Variants in MDGA2 observed in about 807,000 individuals in gnomAD.
The protein encoded by MDGA2 is MAM domain-containing glycosylphosphatidylinositol anchor protein 2.
MDGA2 carries 40 observed loss-of-function variants against 117.8 expected under a neutral mutation model. The ratio of observed to expected loss-of-function variants is 0.34; its 90% CI spans 0.26 to 0.44. The LOEUF is 0.44. Ranked by LOEUF, MDGA2 falls within the 20% of genes least tolerant of loss-of-function variation. MDGA2 has a pLI of 1.00. For synonymous variants in MDGA2, 452 were observed against 439.0 expected, an observed-to-expected ratio of 1.03 and a Z score of -0.37; for missense variants, 1,123 against 1,250.6, an observed-to-expected ratio of 0.90 and a Z score of 1.54.
intron 1 of MDGA2, among the ~76,000 whole-genome samples, chr14:47,562,403 C>T (rs180845389): frequency 4.6e-5 from 7 of 152,244 alleles, no homozygotes; most frequent in African/African-American, 1.2e-4. Context: ...CTTTTTATTA[C>T]TGATTCAATA....
intron 3 of MDGA2, among the ~76,000 whole-genome samples, chr14:47,165,987 C>G (rs943271536): frequency 6.6e-6 from 1 of 150,792 alleles, no homozygotes; most frequent in Non-Finnish European, 1.5e-5. Flanking sequence ...CCTATACACC[C>G]TTTTCTGTGT....
At chr14:46,892,652 C>T (rs528740676) in intron 10 of MDGA2, among the ~76,000 whole-genome samples, 1 of 151,608 alleles carries the variant, frequency 6.6e-6, no homozygotes, top group Admixed American at 6.6e-5. Context: ...TCATGCAACT[C>T]GACAGCAAAA....
chr14:47,139,901 T>C (rs4900730), intron 4 of MDGA2, among the ~76,000 whole-genome samples: 15,433 of 145,522 alleles, frequency 0.11, 915 homozygotes, highest in Admixed American at 0.17. Context: ...TATATATATA[T>C]ACACATATGG....
At chr14:47,343,357 G>A (rs916667080) in intron 1 of MDGA2, 18 of 733,298 alleles carry the variant, frequency 2.5e-5, no homozygotes, top group Non-Finnish European at 3.0e-5. Context: ...GCTCAAAGGA[G>A]GACAGAAAGT....
rs558078413 is a variant in MDGA2 at position 47,056,234 on chromosome 14, C to T, written c.1525+5015G>A. Among the ~76,000 whole-genome samples, 9 of 152,226 alleles carry T rather than the reference C, an allele frequency of 5.9e-5. No individual in the cohort carries two copies. The East Asian group carries it at 1.4e-3, about 23-fold the overall frequency. ...ACTTAGTCATTTTTTCTGTTGCCCT[C>T]CTGTTTGTTAACTATTCTTCTTTCT... On this transcript the variant is annotated intron_variant, in intron 7 of 16. Coordinates refer to ENST00000399232, the MANE Select transcript of MDGA2 (RefSeq NM_001113498.3).
At chr14:47,532,545 C>G (rs930708751) in intron 1 of MDGA2, among the ~76,000 whole-genome samples, 5 of 152,158 alleles carry the variant, frequency 3.3e-5, no homozygotes, top group African/African-American at 9.7e-5. Context: ...TTCCAGGGAC[C>G]AATAGAGCAA....
At chr14:47,287,366 T>C (rs577307265) in intron 2 of MDGA2, among the ~76,000 whole-genome samples, 5 of 152,154 alleles carry the variant, frequency 3.3e-5, no homozygotes, top group Non-Finnish European at 7.4e-5. Flanking sequence ...TCAATATTAA[T>C]GATGCATACC....
chr14:47,456,936 C>T (rs1893367942), intron 1 of MDGA2, among the ~76,000 whole-genome samples: 1 of 151,554 alleles, frequency 6.6e-6, no homozygotes, highest in Admixed American at 6.6e-5. Context: ...TCTATGTAGA[C>T]TCTGGTCAGC....
intron 1 of MDGA2, among the ~76,000 whole-genome samples, chr14:47,460,090 G>A (rs1010449816): frequency 2.6e-5 from 4 of 151,934 alleles, no homozygotes; most frequent in Admixed American, 1.3e-4. Context: ...AATATTTAAC[G>A]ATGAAAGGTG....
chr14:46,869,768 T>C (rs1881925430), intron 14 of MDGA2, among the ~76,000 whole-genome samples: 1 of 151,944 alleles, frequency 6.6e-6, no homozygotes, highest in Non-Finnish European at 1.5e-5. Flanking sequence ...ATTCTCTCTC[T>C]CTTCTTAATG....
chr14:47,158,399 T>TGTGTGTG (rs1594678395), intron 3 of MDGA2, among the ~76,000 whole-genome samples: 1 of 147,010 alleles, frequency 6.8e-6, no homozygotes, highest in African/African-American at 2.5e-5. Context: ...TGTGTGTGTG[T>TGTGTGTG]TCATGTACGC....
At chr14:47,040,726 C>G (rs559782806) in intron 7 of MDGA2, among the ~76,000 whole-genome samples, 1 of 152,182 alleles carries the variant, frequency 6.6e-6, no homozygotes, top group Non-Finnish European at 1.5e-5. Context: ...TAAATCCAGG[C>G]TGACCTGGTT....
At chr14:47,019,690 A>T (rs1273771447) in intron 8 of MDGA2, among the ~76,000 whole-genome samples, 1 of 152,012 alleles carries the variant, frequency 6.6e-6, no homozygotes, top group African/African-American at 2.4e-5. Context: ...AAAAATACAA[A>T]AAAATTAGCC....
chr14:47,407,244 A>C (rs1207607973), intron 1 of MDGA2, among the ~76,000 whole-genome samples: 1 of 152,146 alleles, frequency 6.6e-6, no homozygotes, highest in Non-Finnish European at 1.5e-5. Context: ...TCCAAAATGC[A>C]GCAGTTTATA....
At chr14:47,076,159 G>A in intron 6 of MDGA2, among the ~76,000 whole-genome samples, 1 of 151,928 alleles carries the variant, frequency 6.6e-6, no homozygotes, top group Non-Finnish European at 1.5e-5. Flanking sequence ...TATGCTTTTT[G>A]TAAACTACTA....
chr14:47,576,045 C>A (rs1896110379), intron 1 of MDGA2, among the ~76,000 whole-genome samples: 1 of 152,072 alleles, frequency 6.6e-6, no homozygotes. Flanking sequence ...TCCTTAACCC[C>A]AACTCCAGTT....
intron 1 of MDGA2, among the ~76,000 whole-genome samples, chr14:47,378,611 G>A (rs1891535638): frequency 6.6e-6 from 1 of 152,074 alleles, no homozygotes; most frequent in African/African-American, 2.4e-5. Flanking sequence ...GGAAGAAAGG[G>A]TATCAGTGAT....
At chr14:47,183,495 C>T (rs1426942453) in intron 3 of MDGA2, among the ~76,000 whole-genome samples, 1 of 152,020 alleles carries the variant, frequency 6.6e-6, no homozygotes, top group Non-Finnish European at 1.5e-5. Context: ...TCATGATCTG[C>T]CATAGTTTAC....
intron 5 of MDGA2, among the ~76,000 whole-genome samples, chr14:47,102,391 A>G: frequency 1.4e-5 from 2 of 145,652 alleles, no homozygotes; most frequent in African/African-American, 5.4e-5. Context: ...ACACACACAC[A>G]CAAACACACA....
Sources: gnomAD v4.1 joint callset for allele counts (sites outside exome capture counted in the v4.1 genomes callset) on GRCh38, gnomAD v4.1.1 for gene constraint, MANE v1.5 for transcripts, NCBI Gene and HGNC (gene_info 2026-07-23, HGNC 2026-07-21) for gene names.